EPHA5: variants seen among roughly 807,000 people sequenced by gnomAD.
The protein encoded by EPHA5 is ephrin type-A receptor 5.
A neutral mutation model predicts 105.0 loss-of-function variants in EPHA5; 60 were observed. The ratio of observed to expected loss-of-function variants is 0.57; its 90% CI spans 0.46 to 0.71. The LOEUF is 0.71. Ranked by LOEUF, EPHA5 falls within the 30% of genes least tolerant of loss-of-function variation. EPHA5 has a pLI of 0.00. For missense variants in EPHA5, 1,218 were observed against 1,274.7 expected (o/e 0.96, Z 0.68); for synonymous variants, 513 against 449.1 (o/e 1.14, Z -1.80).
At chr4:65,569,450 A>G (rs1485376284) in intron 3 of EPHA5, among the ~76,000 whole-genome samples, 2 of 151,568 alleles carry the variant, frequency 1.3e-5, no homozygotes, top group African/African-American at 4.8e-5. Flanking sequence ...TAACACATAT[A>G]TTTTCCCTAC....
intron 3 of EPHA5, among the ~76,000 whole-genome samples, chr4:65,599,017 T>A (rs191206125): frequency 6.1e-4 from 93 of 152,188 alleles, no homozygotes; most frequent in African/African-American, 2.2e-3. Flanking sequence ...TTTGCATTTG[T>A]TATAGGTGAT....
chr4:65,571,309 C>G (rs76577574), intron 3 of EPHA5, among the ~76,000 whole-genome samples: 3 of 143,762 alleles, frequency 2.1e-5, no homozygotes, highest in African/African-American at 7.5e-5. Context: ...AACAATATGG[C>G]TTGTTTACAA....
intron 8 of EPHA5, among the ~76,000 whole-genome samples, chr4:65,385,495 TAA>T (rs1191663126): frequency 1.3e-4 from 20 of 152,032 alleles, no homozygotes; most frequent in African/African-American, 4.8e-4. Flanking sequence ...TAGAATGACT[TAA>T]GAGGAAGCTA....
chr4:65,453,037 T>G (rs1727215887), intron 5 of EPHA5, among the ~76,000 whole-genome samples: 1 of 152,212 alleles, frequency 6.6e-6, no homozygotes, highest in Non-Finnish European at 1.5e-5. Flanking sequence ...TGACTCAGAA[T>G]TATTATAAGT....
chr4:65,582,609 G>A (rs1160329510), intron 3 of EPHA5, among the ~76,000 whole-genome samples: 1 of 151,614 alleles, frequency 6.6e-6, no homozygotes, highest in Non-Finnish European at 1.5e-5. Flanking sequence ...CTCCAGATGA[G>A]TGAAGGTTAC....
intron 14 of EPHA5, among the ~76,000 whole-genome samples, chr4:65,342,664 A>G (rs1721844243): frequency 6.6e-6 from 1 of 151,790 alleles, no homozygotes; most frequent in Non-Finnish European, 1.5e-5. Flanking sequence ...ATGTTTATGT[A>G]TATACATCAA....
At chr4:65,371,259 T>C (rs1718438297) in intron 8 of EPHA5, among the ~76,000 whole-genome samples, 1 of 152,120 alleles carries the variant, frequency 6.6e-6, no homozygotes, top group Admixed American at 6.6e-5. Context: ...GTGCTTTTGC[T>C]CTTTAGTAAT....
At position 65,321,370 on chromosome 4, in the gene EPHA5, T is replaced by G; in HGVS notation, c.*2744A>C. On this transcript the variant is annotated 3_prime_UTR_variant, in exon 17 of 17. Coordinates refer to ENST00000613740, the MANE Select transcript of EPHA5 (RefSeq NM_001281766.3). Reference sequence around the variant, plus strand: ...CCTTGGATTATGGCCTCACTACATTTTACTAGAGTTGGCTCCTCTCCTTGT... The same window carrying G: ...CCTTGGATTATGGCCTCACTACATTGTACTAGAGTTGGCTCCTCTCCTTGT... The G allele has an allele frequency of 4.3e-6, 1 of 230,492 alleles. No individual in the cohort carries two copies. The allele number at this position is 230,492 out of a possible 1,614,324, so 14.3% of individuals were successfully genotyped here. A position where few individuals can be genotyped will look rare whatever the true frequency, so the allele number is the denominator to read the frequency against.
rs766106703 is a variant in EPHA5 at position 65,420,468 on chromosome 4, T to C, written c.1500A>G (p.Leu500=). Residue 500 remains leucine, a synonymous_variant, in exon 6 of 17, where the codon CTA becomes CTG. Coordinates refer to ENST00000613740, the MANE Select transcript of EPHA5 (RefSeq NM_001281766.3). ...TTTCAAAATACTTGATTTCATACTCTAGGATGATTCCATTGGGACGATCTG... is the reference window on the plus strand; with the variant it reads ...TTTCAAAATACTTGATTTCATACTCCAGGATGATTCCATTGGGACGATCTG... The part of the protein sequence containing the change: ...QEPDRPNGII[L]EYEIKYFEKD... 12 of 1,610,986 alleles carry C rather than the reference T, an allele frequency of 7.4e-6. No homozygotes were observed. The highest frequency in any genetic ancestry group is 1.0e-5 in the Non-Finnish European group (12 of 1,178,446).
At chr4:65,594,844 T>C (rs1326057567) in intron 3 of EPHA5, among the ~76,000 whole-genome samples, 2 of 152,178 alleles carry the variant, frequency 1.3e-5, no homozygotes, top group Non-Finnish European at 2.9e-5. Context: ...AATTGTTTCA[T>C]GTTTGATATG....
At chr4:65,386,621 A>G (rs567555604) in intron 8 of EPHA5, among the ~76,000 whole-genome samples, 1 of 152,128 alleles carries the variant, frequency 6.6e-6, no homozygotes, top group South Asian at 2.1e-4. Context: ...ACAAAGATCA[A>G]ACATTAGCAT....
At chr4:65,565,018 A>T (rs984906642) in intron 3 of EPHA5, among the ~76,000 whole-genome samples, 4 of 151,766 alleles carry the variant, frequency 2.6e-5, no homozygotes, top group African/African-American at 9.7e-5. Context: ...AATAAATATT[A>T]TACAGTTAAT....
At chr4:65,667,198 T>C (rs1019578758) in intron 1 of EPHA5, among the ~76,000 whole-genome samples, 1 of 152,142 alleles carries the variant, frequency 6.6e-6, no homozygotes, top group East Asian at 1.9e-4. Context: ...TATTTTAGCA[T>C]AAATAAATAT....
chr4:65,636,835 C>T, intron 2 of EPHA5, among the ~76,000 whole-genome samples: 1 of 152,036 alleles, frequency 6.6e-6, no homozygotes, highest in Admixed American at 6.6e-5. Flanking sequence ...TTCTCAGGAC[C>T]ATAATGCTCC....
chr4:65,527,857 C>T (rs912111872), intron 3 of EPHA5, among the ~76,000 whole-genome samples: 3 of 151,936 alleles, frequency 2.0e-5, no homozygotes, highest in South Asian at 2.1e-4. Context: ...CTCCACTCTC[C>T]GAAAGGCCCC....
chr4:65,357,273 C>T (rs762152929), intron 11 of EPHA5, among the ~76,000 whole-genome samples: 2 of 151,346 alleles, frequency 1.3e-5, no homozygotes, highest in Non-Finnish European at 3.0e-5. Context: ...ATATATTACT[C>T]GGGTTGTCTG....
At chr4:65,582,702 G>C (rs1261929243) in intron 3 of EPHA5, among the ~76,000 whole-genome samples, 1 of 151,628 alleles carries the variant, frequency 6.6e-6, no homozygotes, top group Non-Finnish European at 1.5e-5. Flanking sequence ...CTTACTTGCA[G>C]CTGTGTTGTG....
chr4:65,335,401 T>G (rs1231913104), intron 15 of EPHA5, among the ~76,000 whole-genome samples: 2 of 152,036 alleles, frequency 1.3e-5, no homozygotes, highest in Non-Finnish European at 2.9e-5. Flanking sequence ...TTTATCAGTT[T>G]TAAATCTCAT....
intron 14 of EPHA5, among the ~76,000 whole-genome samples, chr4:65,343,670 C>A (rs927686509): frequency 9.2e-5 from 14 of 152,034 alleles, no homozygotes; most frequent in African/African-American, 3.4e-4. Context: ...GAAATTAAGG[C>A]ATAGGAAATT....
Sources: gnomAD v4.1 joint callset for allele counts (sites outside exome capture counted in the v4.1 genomes callset) on GRCh38, gnomAD v4.1.1 for gene constraint, MANE v1.5 for transcripts, NCBI Gene and HGNC (gene_info 2026-07-23, HGNC 2026-07-21) for gene names.